RBMS1: variants seen among roughly 807,000 people sequenced by gnomAD.
RBMS1 encodes RNA binding motif single stranded interacting protein 1, also known as RNA-binding motif, single-stranded-interacting protein 1.
RBMS1 carries 17 observed loss-of-function variants against 62.3 expected under a neutral mutation model. That is an observed-to-expected ratio of 0.27 (90% CI 0.19 to 0.41). The LOEUF is 0.41. RBMS1 is among the 10% of genes least tolerant of loss of function. RBMS1 has a pLI of 1.00. For missense variants in RBMS1, 334 were observed against 504.5 expected (o/e 0.66, Z 3.24); for synonymous variants, 172 against 170.0 (o/e 1.01, Z -0.09).
rs568380243 is a variant in RBMS1 at position 160,423,979 on chromosome 2, T to C, written c.76-56588A>G. Among the ~76,000 whole-genome samples, 106 of 152,064 alleles carry C rather than the reference T, an allele frequency of 7.0e-4. 1 individual carries two copies. The highest frequency in any genetic ancestry group is 2.2e-3 in the African/African-American group (91 of 41,480). On this transcript the variant is annotated intron_variant, in intron 1 of 13. Transcript: ENST00000348849. ...TACAACTCTAGAAAGAAAAGTTATT[T>C]AAAATTTATTGACTTGGAAGTTCAA...
chr2:160,490,931 G>T (rs1472760077), intron 1 of RBMS1, among the ~76,000 whole-genome samples: 1 of 152,086 alleles, frequency 6.6e-6, no homozygotes, highest in African/African-American at 2.4e-5. Flanking sequence ...CCATATTTTC[G>T]GAAGGTTAAA....
intron 4 of RBMS1, among the ~76,000 whole-genome samples, chr2:160,311,100 A>G (rs567670188): frequency 2.7e-4 from 41 of 151,584 alleles, no homozygotes; most frequent in Non-Finnish European, 4.4e-4. Flanking sequence ...AGGCTGAGGC[A>G]GGAGAATCGC....
At chr2:160,466,166 C>T (rs1205930504) in intron 1 of RBMS1, among the ~76,000 whole-genome samples, 1 of 151,884 alleles carries the variant, frequency 6.6e-6, no homozygotes, top group Non-Finnish European at 1.5e-5. Context: ...TGTTTTATGA[C>T]ATTAAATGTA....
At chr2:160,440,485 C>T (rs916824533) in intron 1 of RBMS1, among the ~76,000 whole-genome samples, 2 of 152,178 alleles carry the variant, frequency 1.3e-5, no homozygotes, top group African/African-American at 4.8e-5. Flanking sequence ...CAGGAAGGAT[C>T]TCCATGTACC....
At position 160,275,629 on chromosome 2, in the gene RBMS1, C is replaced by A. The variant is rs756163629; in HGVS notation, c.*7+1G>T. 6 of 1,612,960 alleles carry A rather than the reference C, an allele frequency of 3.7e-6. No homozygotes were observed. In the African/African-American group the frequency reaches 4.0e-5, roughly 11 times the overall value. ...CAGTTATGAAGACCTTTCCCTCATA[C>A]CTCACAGTTACTTATTAGGTTGAAA... On this transcript the variant is annotated splice_donor_variant, in intron 13 of 13. Coordinates refer to ENST00000348849, the MANE Select transcript of RBMS1 (RefSeq NM_016836.4). LOFTEE classifies it low-confidence loss of function (3UTR_SPLICE).
chr2:160,490,244 C>T (rs1401446630), intron 1 of RBMS1, among the ~76,000 whole-genome samples: 1 of 151,240 alleles, frequency 6.6e-6, no homozygotes, highest in South Asian at 2.1e-4. Flanking sequence ...AGCTACATTT[C>T]AGAATGAATG....
At position 160,321,142 on chromosome 2, in the gene RBMS1, G is replaced by A. The variant is rs942224264; in HGVS notation, c.252-2915C>T. ...TGGGAAAGACAGGAAAATGCATGGA[G>A]AAAGGGGAATGAGGAAGTAGGCAAA... On this transcript the variant is annotated intron_variant, in intron 2 of 13. Coordinates refer to ENST00000348849, the MANE Select transcript of RBMS1 (RefSeq NM_016836.4). 3.3e-5 allele frequency among the ~76,000 whole-genome samples: 5 copies of A among 152,130 alleles called. No individual in the cohort carries two copies. In the South Asian group the frequency reaches 1.0e-3, roughly 32 times the overall value.
At chr2:160,318,718 G>A (rs961705980) in intron 2 of RBMS1, among the ~76,000 whole-genome samples, 2 of 152,158 alleles carry the variant, frequency 1.3e-5, no homozygotes, top group African/African-American at 4.8e-5. Context: ...GCTCCATATC[G>A]CCACAGAAGG....
At chr2:160,295,017 CAAGAA>C (rs1427556947) in intron 6 of RBMS1, among the ~76,000 whole-genome samples, 2 of 134,000 alleles carry the variant, frequency 1.5e-5, no homozygotes, top group African/African-American at 5.7e-5. Context: ...ACCATGTATA[CAAGAA>C]AAAAAAAAAA....
At chr2:160,454,285 C>A (rs1264668143) in intron 1 of RBMS1, among the ~76,000 whole-genome samples, 1 of 152,224 alleles carries the variant, frequency 6.6e-6, no homozygotes, top group Admixed American at 6.5e-5. Context: ...TGCAATGTTA[C>A]ATGAGTATTT....
At position 160,313,136 on chromosome 2, in the gene RBMS1, AT is replaced by A. The variant is rs1690023434; in HGVS notation, c.402+19del. On this transcript the variant is annotated intron_variant, in intron 4 of 13. Transcript: ENST00000348849. ...ACCAAAGCTGTGGAACAGAGAAGCA[AT>A]TGCTGGCTCTCAACTCACCTTTGCC... 1.9e-6 allele frequency: 3 copies of A among 1,610,446 alleles called. No individual in the cohort carries two copies. The African/African-American group carries it at 4.0e-5, about 22-fold the overall frequency.
chr2:160,322,542 G>C (rs565709108), intron 2 of RBMS1, among the ~76,000 whole-genome samples: 3 of 152,346 alleles, frequency 2.0e-5, no homozygotes, highest in African/African-American at 7.2e-5. Context: ...AAGACTGAAA[G>C]ACTGTGATTT....
chr2:160,318,717 C>T (rs770441153), intron 2 of RBMS1, among the ~76,000 whole-genome samples: 2 of 152,196 alleles, frequency 1.3e-5, no homozygotes, highest in African/African-American at 2.4e-5. Context: ...GGCTCCATAT[C>T]GCCACAGAAG....
At chr2:160,290,453 T>C (rs1688622336) in intron 6 of RBMS1, among the ~76,000 whole-genome samples, 1 of 152,166 alleles carries the variant, frequency 6.6e-6, no homozygotes, top group Non-Finnish European at 1.5e-5. Flanking sequence ...TGATTACAAA[T>C]AATTCTGACA....
intron 2 of RBMS1, among the ~76,000 whole-genome samples, chr2:160,365,063 G>A (rs1184049792): frequency 1.3e-5 from 2 of 152,030 alleles, no homozygotes; most frequent in Non-Finnish European, 2.9e-5. Context: ...TAAGGTTCTT[G>A]TCACTTCTAT....
At chr2:160,472,513 T>C (rs1684964046) in intron 1 of RBMS1, among the ~76,000 whole-genome samples, 1 of 152,220 alleles carries the variant, frequency 6.6e-6, no homozygotes. Context: ...AAAAGTTAGC[T>C]TGTGTTTTGT....
At chr2:160,464,515 G>A (rs963635644) in intron 1 of RBMS1, among the ~76,000 whole-genome samples, 2 of 152,148 alleles carry the variant, frequency 1.3e-5, no homozygotes, top group Non-Finnish European at 2.9e-5. Flanking sequence ...GTGCCTCTGA[G>A]GAAGAAAGGC....
chr2:160,414,778 C>T (rs1434786319), intron 1 of RBMS1, among the ~76,000 whole-genome samples: 4 of 151,166 alleles, frequency 2.6e-5, no homozygotes, highest in African/African-American at 9.7e-5. Context: ...ACCTGGGAGG[C>T]TGAGGCTGCA....
Position 160,303,444 on chromosome 2 carries a change from G to A in RBMS1, c.446C>T (p.Pro149Leu). Residue 149 changes from proline to leucine, a missense_variant, in exon 5 of 14, where the codon CCA becomes CTA. Pro to Leu is a moderately conservative substitution (Grantham distance 98). Transcript: ENST00000348849. ...TAGTTCTTGCTCATCCATGGAGAGT[G>A]GCAAATTAGAAATGTAGAGGTTGGT... Reference protein sequence around the residue: ...DPTNLYISNLPLSMDEQELEN... With the variant: ...DPTNLYISNLLLSMDEQELEN... 1.2e-6 allele frequency: 2 copies of A among 1,613,124 alleles called. No homozygotes were observed. Among genetic ancestry groups the A allele is most frequent in the Non-Finnish European group, 1.7e-6 (2 of 1,179,558 alleles).
Sources: gnomAD v4.1 joint callset for allele counts (sites outside exome capture counted in the v4.1 genomes callset) on GRCh38, gnomAD v4.1.1 for gene constraint, MANE v1.5 for transcripts, NCBI Gene and HGNC (gene_info 2026-07-23, HGNC 2026-07-21) for gene names.